Variants in TSNAX observed in about 807,000 individuals in gnomAD.
TSNAX encodes translin-associated protein X.
In TSNAX, 12 loss-of-function variants were observed where a neutral mutation model predicts 33.0. The observed-to-expected ratio is 0.36, with a 90% CI of 0.23 to 0.59. The LOEUF is 0.59. Ranked by LOEUF, TSNAX falls within the 20% of genes least tolerant of loss-of-function variation. The pLI, the probability that TSNAX is intolerant of heterozygous loss-of-function variation, is 0.74. For synonymous variants in TSNAX, 110 were observed against 117.2 expected (o/e 0.94, Z 0.40); for missense variants, 267 against 341.3 (o/e 0.78, Z 1.72).
chr1:231,545,197 G>A (rs570665227), intron 4 of TSNAX, among the ~76,000 whole-genome samples: 1 of 152,302 alleles, frequency 6.6e-6, no homozygotes, highest in South Asian at 2.1e-4. Context: ...TTAACAATAT[G>A]ATGCTTATGA....
At chr1:231,542,341 T>C in intron 3 of TSNAX, 140 bp from the exon 4 acceptor site, 1 of 774,494 alleles carries the variant, frequency 1.3e-6, no homozygotes, top group Non-Finnish European at 2.0e-6. Context: ...TTCTCCATAC[T>C]ATGAATAGTT....
rs375928396 is a variant in TSNAX at position 231,564,481 on chromosome 1, T to TTGTGTG, written c.496-33_496-28dup. 5 of 1,522,642 alleles carry TTGTGTG rather than the reference T, an allele frequency of 3.3e-6. No homozygotes were observed. The African/African-American group carries it at 4.2e-5, about 13-fold the overall frequency. The allele number at this position is 1,522,642 out of a possible 1,614,324, so 94.3% of individuals were successfully genotyped here. A position where few individuals can be genotyped will look rare whatever the true frequency, so the allele number is the denominator to read the frequency against. ...TCACTCTTTTTCACAGTGTTCTTTCTTGTGTGTGTGTGTGTGTGTTTTTGT... is the reference window on the plus strand; with the variant it reads ...TCACTCTTTTTCACAGTGTTCTTTCTTGTGTGTGTGTGTGTGTGTGTGTGTTTTTGT... On this transcript the variant is annotated intron_variant, in intron 5 of 5. Coordinates refer to ENST00000366639, the MANE Select transcript of TSNAX (RefSeq NM_005999.3).
chr1:231,556,538 C>T lies in TSNAX; in HGVS notation c.368-4590C>T, dbSNP rs147694571. On this transcript the variant is annotated intron_variant, in intron 4 of 5. Transcript: ENST00000366639. ...TAATACTAAATTTAACAAATAGGAT[C>T]GACAGTGTTACATTGGGCGAGATGG... is the stretch of plus-strand genomic sequence containing the variant. 9.4e-3 allele frequency among the ~76,000 whole-genome samples: 1,430 copies of T among 152,244 alleles called. 29 individuals carry two copies. The highest frequency in any genetic ancestry group is 0.032 in the African/African-American group (1,321 of 41,550).
intron 2 of TSNAX, among the ~76,000 whole-genome samples, chr1:231,532,767 A>T (rs1489390012): frequency 1.3e-5 from 2 of 152,180 alleles, no homozygotes; most frequent in African/African-American, 2.4e-5. Context: ...CAGTTAATAC[A>T]TACCTATATT....
chr1:231,554,621 G>A (rs1660573172), intron 4 of TSNAX: 1 of 152,212 alleles, frequency 6.6e-6, no homozygotes. Flanking sequence ...ATTGTTGTAG[G>A]TAGAGAAAGA....
chr1:231,544,468 CAT>C (rs928133670), intron 4 of TSNAX, among the ~76,000 whole-genome samples: 3 of 152,178 alleles, frequency 2.0e-5, no homozygotes, highest in Non-Finnish European at 4.4e-5. Context: ...TAAAAATTCA[CAT>C]ATTTTCCCCA....
intron 2 of TSNAX, chr1:231,535,649 A>G (rs1040441929): frequency 1.3e-5 from 2 of 152,224 alleles, no homozygotes; most frequent in African/African-American, 2.4e-5. Flanking sequence ...TGGCAGTTAT[A>G]TGTAATAGAT....
At chr1:231,562,729 A>G (rs1390637810) in intron 5 of TSNAX, among the ~76,000 whole-genome samples, 1 of 152,226 alleles carries the variant, frequency 6.6e-6, no homozygotes, top group African/African-American at 2.4e-5. Flanking sequence ...GACTATGTTC[A>G]TAAATAAGTT....
chr1:231,560,416 C>T (rs529235187), intron 4 of TSNAX, among the ~76,000 whole-genome samples: 5 of 107,304 alleles, frequency 4.7e-5, no homozygotes, highest in East Asian at 3.1e-4. Context: ...TCCCCCCCCC[C>T]CCTTTTTTTT....
intron 4 of TSNAX, among the ~76,000 whole-genome samples, chr1:231,543,133 G>A (rs1659685174): frequency 6.6e-6 from 1 of 151,176 alleles, no homozygotes; most frequent in East Asian, 1.9e-4. Context: ...AGCCGAGATC[G>A]CACCACTGCA....
At chr1:231,542,370 G>A (rs1167369654) in intron 3 of TSNAX, 111 bp from the exon 4 acceptor site, 3 of 1,087,946 alleles carry the variant, frequency 2.8e-6, no homozygotes, top group Non-Finnish European at 3.9e-6. Flanking sequence ...TTTTGAGTTA[G>A]AAGTATATGA....
At chr1:231,555,224 C>G (rs1660612522) in intron 4 of TSNAX, among the ~76,000 whole-genome samples, 1 of 152,042 alleles carries the variant, frequency 6.6e-6, no homozygotes, top group Non-Finnish European at 1.5e-5. Flanking sequence ...TATTATTCAG[C>G]CTTAAACAGG....
At position 231,561,219 on chromosome 1, in the gene TSNAX, AT is replaced by A; in HGVS notation, c.462del (p.Phe154LeufsTer27). 6.3e-7 allele frequency: 1 copy of A among 1,575,924 alleles called. No individual in the cohort carries two copies. Among genetic ancestry groups the A allele is most frequent in the Non-Finnish European group, 8.7e-7 (1 of 1,150,456 alleles). On this transcript the variant is annotated frameshift_variant, in exon 5 of 6. Transcript: ENST00000366639. LOFTEE classifies it high-confidence loss of function. ...TGGATGAAATTAATAAACAATTGAT[AT>A]TTACGACTGAAGACAATGGGAAAGA... ...SMDEINKQLI[F>X]TTEDNGKENK... is the part of the protein sequence containing the mutation.
chr1:231,560,445 G>A (rs1394863524), intron 4 of TSNAX, among the ~76,000 whole-genome samples: 2 of 104,560 alleles, frequency 1.9e-5, no homozygotes, highest in South Asian at 3.1e-4. Flanking sequence ...ACGAAGTCTC[G>A]CTCTTGTCCC....
rs190587607 is a variant in TSNAX at position 231,560,136 on chromosome 1, C to T, written c.368-992C>T. On this transcript the variant is annotated intron_variant, in intron 4 of 5. Transcript: ENST00000366639. ...CTGGGACTACAGGCGCCCGCCACCA[C>T]GCCCGGCTAAGTTTTTTTATTTTTA... 2.0e-3 allele frequency among the ~76,000 whole-genome samples: 307 copies of T among 151,428 alleles called. 1 individual carries two copies. The highest frequency in any genetic ancestry group is 0.014 in the Middle Eastern group (4 of 294).
In TSNAX at chr1:231,532,335, GCATGTGC is replaced by G. The variant is rs527501393; in HGVS notation, c.121+2979_121+2985del. Among the ~76,000 whole-genome samples the G allele has an allele frequency of 9.2e-3, 1,400 of 152,034 alleles. 26 individuals carry two copies. Among genetic ancestry groups the G allele is most frequent in the African/African-American group, 0.031 (1,301 of 41,450 alleles). The stretch of plus-strand genomic sequence containing the variant: ...ACCTCCCAAGTAGCTGGGACTACAG[GCATGTGC>G]CACCACACGTGGCTAGTTTTTAGAT... On this transcript the variant is annotated intron_variant, in intron 2 of 5. Coordinates refer to ENST00000366639, the MANE Select transcript of TSNAX (RefSeq NM_005999.3).
At chr1:231,529,399 C>G in intron 2 of TSNAX, 40 bp downstream of exon 2, 1 of 1,589,912 alleles carries the variant, frequency 6.3e-7, no homozygotes, top group Non-Finnish European at 8.6e-7. Flanking sequence ...GGGGAGAGAA[C>G]AAAATTATTT....
Position 231,547,272 on chromosome 1 carries a change from C to T in TSNAX, c.367+4661C>T, listed in dbSNP as rs191465289. ...GAGTGATAGTATTGGAATTGGAATC[C>T]GACTTGTTTCATCTACTCTGATAGA... On this transcript the variant is annotated intron_variant, in intron 4 of 5. Transcript: ENST00000366639. Among the ~76,000 whole-genome samples the T allele has an allele frequency of 6.6e-5, 10 of 151,864 alleles. No individual in the cohort carries two copies. In the East Asian group the frequency reaches 1.7e-3, roughly 26 times the overall value.
rs543350868 is a variant in TSNAX, at chr1:231,528,881, T to C, written c.16+55T>C. The stretch of plus-strand genomic sequence containing the variant: ...TTATCCGGAGGGGGAGGTTCTCCAG[T>C]CTTTCTATGCAGTTTTCCCCTTTTC... On this transcript the variant is annotated intron_variant, in intron 1 of 5. Transcript: ENST00000366639. 1.8e-5 allele frequency: 29 copies of C among 1,609,090 alleles called. 1 individual carries two copies. In the South Asian group the frequency reaches 3.0e-4, roughly 16 times the overall value.
Sources: allele counts gnomAD v4.1 joint callset (sites outside exome capture counted in the v4.1 genomes callset), GRCh38; gene constraint gnomAD v4.1.1; transcripts MANE v1.5; gene names NCBI Gene and HGNC (gene_info 2026-07-23, HGNC 2026-07-21).